Variants in AGMO observed in about 807,000 individuals in gnomAD.
AGMO encodes alkylglycerol monooxygenase.
In AGMO, 75 loss-of-function variants were observed where a neutral mutation model predicts 60.2. The observed-to-expected ratio is 1.25, with a 90% confidence interval of 1.03 to 1.51. The LOEUF (loss-of-function observed/expected upper bound fraction) is 1.51. Ranked by LOEUF, AGMO falls within the 40% of genes most tolerant of loss-of-function variation. The pLI, the probability that AGMO is intolerant of heterozygous loss-of-function variation, is 0.00. For synonymous variants in AGMO, 261 were observed against 177.1 expected, an observed-to-expected ratio of 1.47 and a Z score of -3.76; for missense variants, 763 against 525.5, an observed-to-expected ratio of 1.45 and a Z score of -4.42.
intron 12 of AGMO, among the ~76,000 whole-genome samples, chr7:15,340,148 C>T (rs1189403896): frequency 2.6e-5 from 4 of 152,130 alleles, no homozygotes; most frequent in African/African-American, 7.2e-5. Flanking sequence ...ACTCAAAATT[C>T]ATTTATGCTA....
At chr7:15,369,715 T>G (rs998495771) in intron 10 of AGMO, among the ~76,000 whole-genome samples, 3 of 152,170 alleles carry the variant, frequency 2.0e-5, no homozygotes, top group African/African-American at 4.8e-5. Flanking sequence ...TGTCTCCTCT[T>G]GCTAGGATGT....
intron 2 of AGMO, among the ~76,000 whole-genome samples, chr7:15,555,139 A>G (rs1785090930): frequency 6.7e-6 from 1 of 148,566 alleles, no homozygotes; most frequent in South Asian, 2.1e-4. Flanking sequence ...ATACAAAACT[A>G]AAAAAAAATT....
rs532105467 is a variant in AGMO at position 15,459,376 on chromosome 7, A to T, written c.410-28268T>A. Among the ~76,000 whole-genome samples the T allele has an allele frequency of 5.3e-5, 8 of 152,278 alleles. No homozygotes were observed. In the South Asian group the frequency reaches 1.7e-3, roughly 32 times the overall value. ...GTGCTTCTGGGCAGGAGATCCAGAGAGTTCTCAGATGGCAGATGGCCTTTT... is the reference window on the plus strand; with the variant it reads ...GTGCTTCTGGGCAGGAGATCCAGAGTGTTCTCAGATGGCAGATGGCCTTTT... On this transcript the variant is annotated intron_variant, in intron 3 of 12. Transcript: ENST00000342526.
chr7:15,358,023 T>G (rs932630627), intron 12 of AGMO, among the ~76,000 whole-genome samples: 1 of 152,202 alleles, frequency 6.6e-6, no homozygotes, highest in African/African-American at 2.4e-5. Flanking sequence ...TGAAGTTTGC[T>G]AAGAACTGTT....
chr7:15,524,418 A>G (rs1177251000), intron 3 of AGMO, among the ~76,000 whole-genome samples: 1 of 152,208 alleles, frequency 6.6e-6, no homozygotes, highest in Non-Finnish European at 1.5e-5. Context: ...GGTGGAACTA[A>G]GACATACCTA....
At chr7:15,467,864 G>C (rs1782335663) in intron 3 of AGMO, among the ~76,000 whole-genome samples, 1 of 151,986 alleles carries the variant, frequency 6.6e-6, no homozygotes, top group African/African-American at 2.4e-5. Context: ...CCCGGTTTTA[G>C]GGAAATGGCC....
the AGMO span, among the ~76,000 whole-genome samples, chr7:15,165,464 T>C: frequency 6.6e-6 from 1 of 152,178 alleles, no homozygotes; most frequent in Non-Finnish European, 1.5e-5. Context: ...TAACTTAATA[T>C]GGTAAAACTA....
At chr7:15,147,409 C>T in the AGMO span, among the ~76,000 whole-genome samples, 1 of 152,038 alleles carries the variant, frequency 6.6e-6, no homozygotes, top group South Asian at 2.1e-4. Flanking sequence ...TGGTGGCAGG[C>T]GAGAGAGAGG....
At chr7:15,227,054 T>TAG (rs1782104783) in intron 12 of AGMO, among the ~76,000 whole-genome samples, 1 of 152,048 alleles carries the variant, frequency 6.6e-6, no homozygotes, top group Non-Finnish European at 1.5e-5. Context: ...TTCCTTAACT[T>TAG]CATCTTTTTC....
chr7:15,170,358 T>C, the AGMO span, among the ~76,000 whole-genome samples: 3 of 127,088 alleles, frequency 2.4e-5, no homozygotes, highest in African/African-American at 7.6e-5. Context: ...GACAGAAATT[T>C]TGTAGTTGTT....
chr7:15,243,630 G>A (rs1782661188), intron 12 of AGMO, among the ~76,000 whole-genome samples: 1 of 152,020 alleles, frequency 6.6e-6, no homozygotes, highest in Admixed American at 6.6e-5. Flanking sequence ...GATTTAAATT[G>A]GATTTTAAAT....
chr7:15,329,185 C>T (rs1031358211), intron 12 of AGMO, among the ~76,000 whole-genome samples: 5 of 152,154 alleles, frequency 3.3e-5, no homozygotes, highest in African/African-American at 1.2e-4. Context: ...GGAACGTAAA[C>T]TCCTCAGGGG....
At chr7:15,381,922 CA>C (rs1255961147) in intron 10 of AGMO, among the ~76,000 whole-genome samples, 1 of 152,058 alleles carries the variant, frequency 6.6e-6, no homozygotes, top group East Asian at 1.9e-4. Flanking sequence ...AACACAGGAA[CA>C]GAAAACCAAA....
the AGMO span, among the ~76,000 whole-genome samples, chr7:15,182,656 A>T: frequency 6.6e-6 from 1 of 152,124 alleles, no homozygotes; most frequent in African/African-American, 2.4e-5. Context: ...AGCTCAAGTG[A>T]CCCACCTGTC....
intron 12 of AGMO, among the ~76,000 whole-genome samples, chr7:15,313,047 A>G (rs1431543285): frequency 6.6e-6 from 1 of 152,180 alleles, no homozygotes; most frequent in Non-Finnish European, 1.5e-5. Context: ...GAATGCAGAG[A>G]AAGATATTGG....
At chr7:15,383,489 AC>A (rs1009179563) in intron 10 of AGMO, among the ~76,000 whole-genome samples, 2 of 151,844 alleles carry the variant, frequency 1.3e-5, no homozygotes, top group African/African-American at 4.8e-5. Flanking sequence ...ATTTCAAGAA[AC>A]CTCCTTTCCT....
rs1554265050 is a variant in AGMO, at chr7:15,387,550, A to AT, written c.823-11dup. ...AAAATAAGTGATGGAACTAGAAACAATAAAAAAAGAGCTTATTTCACATAA... is the reference window on the plus strand; with the variant it reads ...AAAATAAGTGATGGAACTAGAAACAATTAAAAAAAGAGCTTATTTCACATAA... On this transcript the variant is annotated splice_polypyrimidine_tract_variant and intron_variant, in intron 8 of 12. Transcript: ENST00000342526. 6.3e-7 allele frequency: 1 copy of AT among 1,581,726 alleles called. No homozygotes were observed. The highest frequency in any genetic ancestry group is 1.5e-5 in the African/African-American group (1 of 64,566).
At chr7:15,532,369 C>A (rs567282704) in intron 3 of AGMO, among the ~76,000 whole-genome samples, 5 of 152,280 alleles carry the variant, frequency 3.3e-5, no homozygotes, top group South Asian at 4.1e-4. Context: ...TGTATTAAGG[C>A]TCTGGTGCAT....
chr7:15,228,769 T>C (rs1782164171), intron 12 of AGMO, among the ~76,000 whole-genome samples: 1 of 152,152 alleles, frequency 6.6e-6, no homozygotes, highest in Non-Finnish European at 1.5e-5. Context: ...TTTGTTTTGA[T>C]AGATTCAGCC....
Sources: allele counts gnomAD v4.1 joint callset (sites outside exome capture counted in the v4.1 genomes callset), GRCh38; gene constraint gnomAD v4.1.1; transcripts MANE v1.5; gene names NCBI Gene and HGNC (gene_info 2026-07-23, HGNC 2026-07-21).